The following ENOX1 variants were observed in gnomAD, a reference collection of about 807,000 sequenced individuals.
The protein encoded by ENOX1 is candidate growth-related and time keeping constitutive hydroquinone (NADH) oxidase.
Under a neutral mutation model 82.5 loss-of-function variants are expected in ENOX1, and 42 were observed. That is an observed-to-expected ratio of 0.51 (90% CI 0.40 to 0.66). ENOX1 has a LOEUF of 0.66. ENOX1 is among the 30% of genes least tolerant of loss of function. The pLI, the probability that ENOX1 is intolerant of heterozygous loss-of-function variation, is 0.00. For missense variants in ENOX1, 608 were observed against 811.6 expected, an observed-to-expected ratio of 0.75 and a Z score of 3.05; for synonymous variants, 271 against 282.2, an observed-to-expected ratio of 0.96 and a Z score of 0.40.
At chr13:43,391,114 G>A (rs1348554466) in intron 5 of ENOX1, among the ~76,000 whole-genome samples, 1 of 151,872 alleles carries the variant, frequency 6.6e-6, no homozygotes, top group Non-Finnish European at 1.5e-5. Context: ...CAATGAACCC[G>A]GCCCCCATTG....
At chr13:43,703,789 C>T (rs7994483) in intron 1 of ENOX1, among the ~76,000 whole-genome samples, 3,142 of 152,160 alleles carry the variant, frequency 0.021, 120 homozygotes, top group African/African-American at 0.072. Context: ...TCTATAGTAA[C>T]CTTCCTTTAG....
chr13:43,238,480 G>A (rs899059488), intron 14 of ENOX1, among the ~76,000 whole-genome samples: 1 of 152,156 alleles, frequency 6.6e-6, no homozygotes, highest in East Asian at 1.9e-4. Context: ...ATCTTTCTAG[G>A]GTAGTGGGGT....
At chr13:43,749,903 T>C (rs1018989422) in intron 1 of ENOX1, among the ~76,000 whole-genome samples, 1 of 152,180 alleles carries the variant, frequency 6.6e-6, no homozygotes, top group Non-Finnish European at 1.5e-5. Context: ...TCCCAACATA[T>C]AAGACAATGA....
intron 1 of ENOX1, among the ~76,000 whole-genome samples, chr13:43,671,832 A>T (rs959146827): frequency 1.2e-4 from 19 of 152,150 alleles, no homozygotes; most frequent in African/African-American, 4.6e-4. Flanking sequence ...GTTCCCCAAG[A>T]GCGAGATAGC....
At chr13:43,341,970 CTCTTT>C (rs778941474) in intron 9 of ENOX1, among the ~76,000 whole-genome samples, 4 of 152,178 alleles carry the variant, frequency 2.6e-5, no homozygotes, top group African/African-American at 7.2e-5. Flanking sequence ...GTCTTTCCTT[CTCTTT>C]TCTTATGTGA....
chr13:43,786,193 G>A lies in ENOX1; in HGVS notation c.-285+459C>T, dbSNP rs1371857993. Among the ~76,000 whole-genome samples the A allele has an allele frequency of 1.3e-5, 2 of 152,300 alleles. No individual in the cohort carries two copies. Among genetic ancestry groups the A allele is most frequent in the African/African-American group, 4.8e-5 (2 of 41,566 alleles). ...GCTGGAGGAAAAGGGATGCAGAGCG[G>A]GAGGGTGAAAACCTGAAAGAAGAGG... On this transcript the variant is annotated intron_variant, in intron 1 of 16. Transcript: ENST00000690772. This position sits in a 1 kb window ranked among gnomAD's most constrained non-coding sequence, Gnocchi z 6.0.
chr13:43,706,758 ACTAT>A (rs2087321027), intron 1 of ENOX1, among the ~76,000 whole-genome samples: 1 of 152,024 alleles, frequency 6.6e-6, no homozygotes, highest in Non-Finnish European at 1.5e-5. Flanking sequence ...ACCTGATAAA[ACTAT>A]CTAAAAAAAA....
At chr13:43,264,149 T>C (rs1309904349) in intron 14 of ENOX1, among the ~76,000 whole-genome samples, 1 of 152,220 alleles carries the variant, frequency 6.6e-6, no homozygotes. Context: ...TACAATATTA[T>C]GACATGCTTT....
intron 3 of ENOX1, among the ~76,000 whole-genome samples, chr13:43,477,178 T>A (rs2058321916): frequency 1.3e-5 from 2 of 150,468 alleles, no homozygotes; most frequent in Admixed American, 1.3e-4. Context: ...CATATATATA[T>A]ATAGTATACA....
chr13:43,419,726 C>A (rs770798734), intron 3 of ENOX1, among the ~76,000 whole-genome samples: 9 of 152,156 alleles, frequency 5.9e-5, no homozygotes, highest in Non-Finnish European at 1.2e-4. Flanking sequence ...AATGCCAGCA[C>A]TTTGGGAGGC....
chr13:43,263,049 T>G (rs1479674332), intron 14 of ENOX1, among the ~76,000 whole-genome samples: 2 of 134,096 alleles, frequency 1.5e-5, no homozygotes, highest in African/African-American at 5.5e-5. Context: ...AAGAATAGAT[T>G]TGCAAAATAT....
Position 43,724,709 on chromosome 13 carries a change from T to C in ENOX1, c.-284-57165A>G, listed in dbSNP as rs530674499. ...TAAAAAGGAAAATGAACTTAAAGAGTCTGGATTTTTTTCCTAATCCATAGT... is the reference window on the plus strand; with the variant it reads ...TAAAAAGGAAAATGAACTTAAAGAGCCTGGATTTTTTTCCTAATCCATAGT... On this transcript the variant is annotated intron_variant, in intron 1 of 16. Coordinates refer to ENST00000690772, the MANE Select transcript of ENOX1 (RefSeq NM_001347969.2). Among the ~76,000 whole-genome samples the C allele has an allele frequency of 1.1e-4, 16 of 152,266 alleles. No individual in the cohort carries two copies. The East Asian group carries it at 3.1e-3, about 29-fold the overall frequency.
At chr13:43,451,635 A>T (rs2056970936) in intron 3 of ENOX1, among the ~76,000 whole-genome samples, 1 of 152,204 alleles carries the variant, frequency 6.6e-6, no homozygotes, top group South Asian at 2.1e-4. Context: ...GTTTTTATTA[A>T]AAAAGATACG....
intron 3 of ENOX1, among the ~76,000 whole-genome samples, chr13:43,427,568 A>T (rs192208839): frequency 8.5e-5 from 13 of 152,310 alleles, no homozygotes; most frequent in African/African-American, 2.9e-4. Flanking sequence ...GTCTAGGGTA[A>T]AGGTTAGTTC....
intron 1 of ENOX1, among the ~76,000 whole-genome samples, chr13:43,713,899 G>T (rs1417256075): frequency 1.3e-5 from 2 of 151,372 alleles, no homozygotes; most frequent in East Asian, 3.9e-4. Flanking sequence ...AAGGTTTTTT[G>T]TGTCTCTATT....
chr13:43,374,072 C>T (rs1188540991), intron 5 of ENOX1, among the ~76,000 whole-genome samples: 5 of 151,282 alleles, frequency 3.3e-5, no homozygotes, highest in Admixed American at 2.0e-4. Context: ...TTCCCTTCCC[C>T]TCCCTTGCCT....
chr13:43,699,959 A>G (rs1333191415), intron 1 of ENOX1, among the ~76,000 whole-genome samples: 2 of 152,188 alleles, frequency 1.3e-5, no homozygotes, highest in Non-Finnish European at 2.9e-5. Flanking sequence ...TGTTGGCAAC[A>G]TTCCAATTCT....
At chr13:43,401,406 T>C (rs2053487908) in intron 5 of ENOX1, among the ~76,000 whole-genome samples, 1 of 152,214 alleles carries the variant, frequency 6.6e-6, no homozygotes. Flanking sequence ...GTGAAACTTA[T>C]GATAGTCCCA....
intron 3 of ENOX1, among the ~76,000 whole-genome samples, chr13:43,470,363 TACGTATATATATACATATATATAC>T (rs2057992663): frequency 1.5e-4 from 4 of 27,062 alleles, no homozygotes; most frequent in African/African-American, 3.1e-4. Flanking sequence ...TGTATATATA[TACGTATATATATACATATATATAC>T]GTATATATAT....
Sources: gnomAD v4.1 joint callset for allele counts (sites outside exome capture counted in the v4.1 genomes callset) on GRCh38, gnomAD v4.1.1 for gene constraint, Gnocchi (gnomAD v3.1) non-coding constraint, MANE v1.5 for transcripts, NCBI Gene and HGNC (gene_info 2026-07-23, HGNC 2026-07-21) for gene names.